FHOD3: variants seen among roughly 807,000 people sequenced by gnomAD.
The protein encoded by FHOD3 is formin homology 2 domain containing 3.
A neutral mutation model predicts 173.0 loss-of-function variants in FHOD3; 90 were observed. That is an observed-to-expected ratio of 0.52 (90% CI 0.44 to 0.62). The LOEUF is 0.62. Ranked by LOEUF, FHOD3 falls within the 20% of genes least tolerant of loss-of-function variation. The pLI is 0.00. For synonymous variants in FHOD3, 828 were observed against 823.0 expected, an observed-to-expected ratio of 1.01 and a Z score of -0.10; for missense variants, 1,945 against 2,034.7, an observed-to-expected ratio of 0.96 and a Z score of 0.85.
At chr18:36,311,418 G>A (rs1245938609) in intron 1 of FHOD3, among the ~76,000 whole-genome samples, 1 of 152,102 alleles carries the variant, frequency 6.6e-6, no homozygotes, top group Non-Finnish European at 1.5e-5. Flanking sequence ...TGACACCAAG[G>A]GCTGGCAAAA....
intron 5 of FHOD3, among the ~76,000 whole-genome samples, chr18:36,514,682 C>T (rs140209112): frequency 6.6e-6 from 1 of 152,318 alleles, no homozygotes; most frequent in Non-Finnish European, 1.5e-5. Context: ...AATATTATAA[C>T]CATCTTCTGT....
intron 1 of FHOD3, among the ~76,000 whole-genome samples, chr18:36,315,104 C>T (rs933941263): frequency 1.9e-4 from 28 of 144,414 alleles, no homozygotes; most frequent in Admixed American, 5.3e-4. Flanking sequence ...TGGTGTCAGG[C>T]TGGCCTGGTC....
At chr18:36,714,209 A>G (rs1390333799) in intron 18 of FHOD3, among the ~76,000 whole-genome samples, 2 of 152,168 alleles carry the variant, frequency 1.3e-5, no homozygotes, top group African/African-American at 4.8e-5. Context: ...TAAATTAATG[A>G]AGAGAATAAG....
intron 3 of FHOD3, among the ~76,000 whole-genome samples, chr18:36,380,644 C>CCTTTCCTTTCCT (rs2047730527): frequency 2.7e-5 from 2 of 73,068 alleles, no homozygotes; most frequent in Admixed American, 1.8e-4. Context: ...TTTCCTTTCT[C>CCTTTCCTTTCCT]TGTATCTCTT....
At chr18:36,672,536 G>A (rs981200418) in intron 14 of FHOD3, among the ~76,000 whole-genome samples, 26 of 152,342 alleles carry the variant, frequency 1.7e-4, no homozygotes, top group African/African-American at 2.2e-4. Flanking sequence ...TGGCAGTGGT[G>A]TAGGGTTCCC....
chr18:36,495,077 G>A (rs545969196), intron 3 of FHOD3, among the ~76,000 whole-genome samples: 2 of 151,972 alleles, frequency 1.3e-5, no homozygotes, highest in Non-Finnish European at 2.9e-5. Context: ...TGAGTAGCTG[G>A]GGCTGTAGGC....
intron 6 of FHOD3, among the ~76,000 whole-genome samples, chr18:36,593,175 G>A (rs2059284520): frequency 1.3e-5 from 2 of 152,186 alleles, no homozygotes; most frequent in Admixed American, 1.3e-4. Context: ...GAGCAAAAAT[G>A]GGCAGAGAAG....
intron 16 of FHOD3, among the ~76,000 whole-genome samples, chr18:36,692,341 G>A (rs1259293225): frequency 6.6e-6 from 1 of 152,224 alleles, no homozygotes; most frequent in African/African-American, 2.4e-5. Context: ...CCAAAGTTTA[G>A]TGGTAGGTAA....
At chr18:36,655,253 C>T (rs111729205) in intron 13 of FHOD3, among the ~76,000 whole-genome samples, 29 of 152,220 alleles carry the variant, frequency 1.9e-4, no homozygotes, top group African/African-American at 7.0e-4. Context: ...AAGTTAGGAG[C>T]TGAACATTTG....
chr18:36,481,321 C>G (rs1274148671), intron 3 of FHOD3, among the ~76,000 whole-genome samples: 1 of 152,118 alleles, frequency 6.6e-6, no homozygotes, highest in Non-Finnish European at 1.5e-5. Context: ...AGCCAAAACT[C>G]TCCCTAAGAC....
intron 3 of FHOD3, among the ~76,000 whole-genome samples, chr18:36,491,658 C>G (rs528698538): frequency 2.0e-5 from 3 of 150,052 alleles, no homozygotes; most frequent in Admixed American, 6.6e-5. Context: ...ATGGAGTTCA[C>G]TATGTATGTG....
chr18:36,710,494 C>A (rs990841587), intron 18 of FHOD3: 2 of 152,132 alleles, frequency 1.3e-5, no homozygotes, highest in Admixed American at 1.3e-4. Context: ...TGAATGAAAC[C>A]AGAATGTCTT....
intron 6 of FHOD3, among the ~76,000 whole-genome samples, chr18:36,590,582 T>C (rs1295935684): frequency 6.6e-6 from 1 of 152,212 alleles, no homozygotes; most frequent in Non-Finnish European, 1.5e-5. Flanking sequence ...ATGCTTATTA[T>C]TAATTTACAT....
At chr18:36,425,402 G>C (rs923944665) in intron 3 of FHOD3, among the ~76,000 whole-genome samples, 10 of 152,196 alleles carry the variant, frequency 6.6e-5, no homozygotes, top group African/African-American at 2.2e-4. Context: ...TATCAATGAA[G>C]GGGAGGGATG....
intron 17 of FHOD3, among the ~76,000 whole-genome samples, chr18:36,699,718 G>A (rs748233511): frequency 2.0e-5 from 3 of 152,126 alleles, no homozygotes; most frequent in Non-Finnish European, 4.4e-5. Flanking sequence ...AACACCTGCA[G>A]TATGGCAAGA....
chr18:36,330,650 G>A (rs892628338), intron 1 of FHOD3, among the ~76,000 whole-genome samples: 1 of 152,186 alleles, frequency 6.6e-6, no homozygotes, highest in Non-Finnish European at 1.5e-5. Context: ...GTGAAAAGCT[G>A]GCTGCTGCCA....
intron 3 of FHOD3, among the ~76,000 whole-genome samples, chr18:36,381,389 G>C (rs1454937329): frequency 2.6e-5 from 4 of 152,222 alleles, no homozygotes; most frequent in Non-Finnish European, 4.4e-5. Flanking sequence ...TCCTTTCCAT[G>C]CTTCCACTCT....
At chr18:36,701,982 T>A (rs2039616400) in intron 17 of FHOD3, among the ~76,000 whole-genome samples, 1 of 152,244 alleles carries the variant, frequency 6.6e-6, no homozygotes, top group South Asian at 2.1e-4. Context: ...AAAGCATGGC[T>A]TAACTTTTAA....
chr18:36,731,700 G>C (rs2041368900), intron 20 of FHOD3, among the ~76,000 whole-genome samples: 1 of 152,228 alleles, frequency 6.6e-6, no homozygotes, highest in African/African-American at 2.4e-5. Context: ...ACTCCAGAGA[G>C]GGAGAGCAAG....
Sources: allele counts gnomAD v4.1 joint callset (sites outside exome capture counted in the v4.1 genomes callset), GRCh38; gene constraint gnomAD v4.1.1; transcripts MANE v1.5; gene names NCBI Gene and HGNC (gene_info 2026-07-23, HGNC 2026-07-21).